Variants in NXPE3 observed in about 807,000 individuals in gnomAD.
The protein encoded by NXPE3 is neurexophilin and PC-esterase domain family member 3, also known as NXPE family member 3.
Under a neutral mutation model 46.1 loss-of-function variants are expected in NXPE3, and 26 were observed. The observed-to-expected ratio is 0.56, with a 90% confidence interval of 0.41 to 0.78. The LOEUF (loss-of-function observed/expected upper bound fraction) is 0.78. Ranked by LOEUF, NXPE3 falls within the 30% of genes least tolerant of loss-of-function variation. NXPE3 has a pLI of 0.00. For missense variants in NXPE3, 620 were observed against 686.0 expected (o/e 0.90, Z 1.07); for synonymous variants, 272 against 257.9 (o/e 1.05, Z -0.52).
chr3:101,811,098 T>C (rs947408794), intron 6 of NXPE3, among the ~76,000 whole-genome samples: 76 of 152,166 alleles, frequency 5.0e-4, no homozygotes, highest in African/African-American at 1.7e-3. Context: ...TGGGATTACA[T>C]GCGTGAGCCA....
At chr3:101,816,223 T>C (rs1576780258) in intron 6 of NXPE3, among the ~76,000 whole-genome samples, 1 of 152,146 alleles carries the variant, frequency 6.6e-6, no homozygotes, top group South Asian at 2.1e-4. Flanking sequence ...TGTCCACCAA[T>C]ACCTTCATGC....
intron 7 of NXPE3, among the ~76,000 whole-genome samples, chr3:101,818,467 A>G (rs2929920): frequency 0.98 from 149,301 of 151,808 alleles, 73,460 homozygotes; most frequent in East Asian, 1. Flanking sequence ...TCCTTTGATG[A>G]CAAGGATCAC....
intron 6 of NXPE3, among the ~76,000 whole-genome samples, chr3:101,812,835 A>AAAAAAAAAAG (rs1941784145): frequency 7.0e-6 from 1 of 142,408 alleles, no homozygotes; most frequent in Non-Finnish European, 1.6e-5. Context: ...AAAAAAAAAA[A>AAAAAAAAAAG]AAAAAAAGAT....
At chr3:101,800,140 T>C (rs1441250786) in intron 4 of NXPE3, among the ~76,000 whole-genome samples, 3 of 152,224 alleles carry the variant, frequency 2.0e-5, no homozygotes, top group Non-Finnish European at 4.4e-5. Flanking sequence ...TTTGCTAAGA[T>C]GTAAGGTTAA....
At chr3:101,809,622 C>T (rs1941617905) in intron 6 of NXPE3, among the ~76,000 whole-genome samples, 1 of 152,154 alleles carries the variant, frequency 6.6e-6, no homozygotes, top group Non-Finnish European at 1.5e-5. Context: ...GTTGTCCCTT[C>T]TTCATTTTAA....
intron 4 of NXPE3, among the ~76,000 whole-genome samples, chr3:101,798,200 T>A (rs1056730361): frequency 6.6e-6 from 1 of 152,056 alleles, no homozygotes; most frequent in Admixed American, 6.6e-5. Flanking sequence ...TTTTCATGTG[T>A]TTTTTGGCTT....
At chr3:101,798,760 G>A (rs1940982578) in intron 4 of NXPE3, among the ~76,000 whole-genome samples, 1 of 151,578 alleles carries the variant, frequency 6.6e-6, no homozygotes, top group Admixed American at 6.6e-5. Flanking sequence ...TTACAGGTGT[G>A]TACCACCACA....
rs140056292 is a variant in NXPE3, at chr3:101,803,221, G to A, written c.848+1232G>A. On this transcript the variant is annotated intron_variant, in intron 5 of 7. Transcript: ENST00000273347. ...CTTTATGTCCACTCATTACCGTATG[G>A]GAGAAAAGTTGCTACCATAAAGTAT... 4.3e-3 allele frequency among the ~76,000 whole-genome samples: 651 copies of A among 152,200 alleles called. 3 individuals are homozygous for A. Among genetic ancestry groups the A allele is most frequent in the Middle Eastern group, 0.01 (3 of 294 alleles).
In NXPE3 at chr3:101,803,532, T is replaced by C. The variant is rs6801637; in HGVS notation, c.848+1543T>C. 6.5e-3 allele frequency among the ~76,000 whole-genome samples: 996 copies of C among 152,330 alleles called. 7 individuals carry two copies. Among genetic ancestry groups the C allele is most frequent in the African/African-American group, 0.022 (910 of 41,576 alleles). ...GTGGGTTCAGGTTTCAGACATGCTA[T>C]TTATTAGTGACTGAGCAGATTATTT... On this transcript the variant is annotated intron_variant, in intron 5 of 7. Transcript: ENST00000273347.
At chr3:101,805,449 G>A (rs1941370578) in intron 5 of NXPE3, among the ~76,000 whole-genome samples, 1 of 148,484 alleles carries the variant, frequency 6.7e-6, no homozygotes, top group African/African-American at 2.5e-5. Flanking sequence ...TTTTTTTTGA[G>A]ATAGGGTGTC....
chr3:101,793,300 A>G (rs1027710190), intron 4 of NXPE3, among the ~76,000 whole-genome samples: 2 of 152,102 alleles, frequency 1.3e-5, no homozygotes, highest in Non-Finnish European at 2.9e-5. Flanking sequence ...CCAATGTTGA[A>G]TATAAGTGGT....
At position 101,816,923 on chromosome 3, in the gene NXPE3, T is replaced by A; in HGVS notation, c.1051T>A (p.Leu351Ile). ...FNDPDNITECLQRKVVHLFGD... is the reference protein window; with the variant it reads ...FNDPDNITECIQRKVVHLFGD... ...TGACCCTGACAACATTACAGAGTGC[T>A]TACAAAGAAAAGTGGTGCATTTATT... Residue 351 changes from leucine (L) to isoleucine (I), a missense_variant, in exon 7 of 8, where the codon TTA becomes ATA. By Grantham distance (5) the Leu-to-Ile change is conservative (BLOSUM62 2). This residue lies in a region of NXPE3 where 511 missense variants were observed against 528.6 expected (regional missense o/e 0.97). Transcript: ENST00000273347. The A allele has an allele frequency of 6.2e-7, 1 of 1,614,150 alleles. No homozygotes were observed. The highest frequency in any genetic ancestry group is 8.5e-7 in the Non-Finnish European group (1 of 1,180,008).
chr3:101,782,312 A>T (rs28694163), intron 2 of NXPE3, 22 bp downstream of exon 2: 1 of 152,114 alleles, frequency 6.6e-6, no homozygotes, highest in African/African-American at 2.4e-5. Context: ...TGAATTATAT[A>T]TTTTTATTTT....
At chr3:101,810,230 A>G (rs1415324769) in intron 6 of NXPE3, among the ~76,000 whole-genome samples, 1 of 152,226 alleles carries the variant, frequency 6.6e-6, no homozygotes, top group Admixed American at 6.5e-5. Context: ...TCCCCAGATT[A>G]TCACAGCTGA....
At chr3:101,820,710 A>G (rs1942207474) in intron 7 of NXPE3, among the ~76,000 whole-genome samples, 1 of 152,248 alleles carries the variant, frequency 6.6e-6, no homozygotes, top group East Asian at 1.9e-4. Flanking sequence ...AATTGAGATA[A>G]TATCTTTTGT....
intron 5 of NXPE3, among the ~76,000 whole-genome samples, chr3:101,806,045 A>C (rs578124609): frequency 7.9e-5 from 12 of 152,104 alleles, no homozygotes; most frequent in Non-Finnish European, 1.6e-4. Flanking sequence ...AGGCCTGTAC[A>C]CTTCCTTCAT....
At chr3:101,805,586 C>T (rs947203784) in intron 5 of NXPE3, among the ~76,000 whole-genome samples, 4 of 151,970 alleles carry the variant, frequency 2.6e-5, no homozygotes, top group Admixed American at 2.0e-4. Context: ...GTACTAGGCA[C>T]GCACCACCAT....
rs72937653 is a variant in NXPE3 at position 101,803,215 on chromosome 3, C to T, written c.848+1226C>T. Among the ~76,000 whole-genome samples the T allele has an allele frequency of 3.1e-3, 478 of 152,176 alleles. 3 individuals are homozygous for T. The highest frequency in any genetic ancestry group is 0.011 in the African/African-American group (444 of 41,492). On this transcript the variant is annotated intron_variant, in intron 5 of 7. Transcript: ENST00000273347. ...TTCATACTTTATGTCCACTCATTACCGTATGGGAGAAAAGTTGCTACCATA... is the reference window on the plus strand; with the variant it reads ...TTCATACTTTATGTCCACTCATTACTGTATGGGAGAAAAGTTGCTACCATA...
chr3:101,780,469 G>T (rs1261328816), intron 1 of NXPE3, among the ~76,000 whole-genome samples: 1 of 152,140 alleles, frequency 6.6e-6, no homozygotes, highest in African/African-American at 2.4e-5. Flanking sequence ...ATTTTGGAAA[G>T]GCCATCCTTT....
Sources: allele counts gnomAD v4.1 joint callset (sites outside exome capture counted in the v4.1 genomes callset), GRCh38; gene constraint gnomAD v4.1.1; regional missense constraint gnomAD v4.1.1; transcripts MANE v1.5; gene names NCBI Gene and HGNC (gene_info 2026-07-23, HGNC 2026-07-21).